Variants in BTBD9 observed in about 807,000 individuals in gnomAD.
The protein encoded by BTBD9 is BTB/POZ domain-containing protein 9.
In BTBD9, 49 loss-of-function variants were observed where a neutral mutation model predicts 64.3. The ratio of observed to expected loss-of-function variants is 0.76; its 90% CI spans 0.61 to 0.97. The LOEUF (loss-of-function observed/expected upper bound fraction) is 0.97. Ranked by LOEUF, BTBD9 falls within the 50% of genes least tolerant of loss-of-function variation. BTBD9 has a pLI of 0.00. For synonymous variants in BTBD9, 260 were observed against 274.7 expected (o/e 0.95, Z 0.53); for missense variants, 598 against 762.1 (o/e 0.78, Z 2.53).
intron 6 of BTBD9, among the ~76,000 whole-genome samples, chr6:38,451,159 G>A (rs1769526136): frequency 6.6e-6 from 1 of 152,122 alleles, no homozygotes; most frequent in Non-Finnish European, 1.5e-5. Flanking sequence ...ACTTGTTACT[G>A]CACACTAGAG....
chr6:38,404,506 A>G (rs1206976476), intron 6 of BTBD9, among the ~76,000 whole-genome samples: 2 of 152,200 alleles, frequency 1.3e-5, no homozygotes, highest in Non-Finnish European at 2.9e-5. Flanking sequence ...ACAATAGAAG[A>G]ATCACACATT....
At chr6:38,227,511 C>T (rs1007219228) in intron 9 of BTBD9, among the ~76,000 whole-genome samples, 5 of 152,148 alleles carry the variant, frequency 3.3e-5, no homozygotes, top group African/African-American at 1.2e-4. Flanking sequence ...CTATCCCTTC[C>T]GCCTGATGAG....
intron 6 of BTBD9, among the ~76,000 whole-genome samples, chr6:38,507,481 C>T (rs1379762442): frequency 6.6e-6 from 1 of 152,224 alleles, no homozygotes; most frequent in Non-Finnish European, 1.5e-5. Context: ...ACTTCACACT[C>T]TTCAACCCTC....
chr6:38,581,321 G>GTT (rs1776276178), intron 4 of BTBD9, among the ~76,000 whole-genome samples: 1 of 152,072 alleles, frequency 6.6e-6, no homozygotes, highest in Non-Finnish European at 1.5e-5. Flanking sequence ...AAAAAGAAAG[G>GTT]TTCCAATATA....
intron 6 of BTBD9, among the ~76,000 whole-genome samples, chr6:38,429,530 C>T (rs143789651): frequency 1.3e-5 from 2 of 151,490 alleles, no homozygotes; most frequent in East Asian, 3.9e-4. Context: ...TGCACACATA[C>T]GTACTTAAAT....
At chr6:38,514,601 G>C (rs1009621449) in intron 6 of BTBD9, among the ~76,000 whole-genome samples, 30 of 152,148 alleles carry the variant, frequency 2.0e-4, no homozygotes, top group African/African-American at 5.1e-4. Context: ...CATATGTCCT[G>C]GGAGTTCCCA....
chr6:38,318,624 T>C (rs1435518717), intron 7 of BTBD9, among the ~76,000 whole-genome samples: 3 of 152,222 alleles, frequency 2.0e-5, no homozygotes, highest in Admixed American at 1.3e-4. Context: ...CAAACAAATA[T>C]AGTCTCTCTC....
intron 6 of BTBD9, among the ~76,000 whole-genome samples, chr6:38,487,642 G>T (rs1307385831): frequency 6.8e-6 from 1 of 147,568 alleles, no homozygotes; most frequent in East Asian, 2.0e-4. Flanking sequence ...AAAGAAAGAG[G>T]AAAGGAAAGG....
intron 4 of BTBD9, among the ~76,000 whole-genome samples, chr6:38,592,276 G>A (rs1461913898): frequency 6.6e-6 from 1 of 152,030 alleles, no homozygotes; most frequent in Non-Finnish European, 1.5e-5. Flanking sequence ...AGGAAGAAAA[G>A]GTCTTAACAT....
At chr6:38,569,637 C>A (rs747208948) in intron 6 of BTBD9, among the ~76,000 whole-genome samples, 2 of 152,010 alleles carry the variant, frequency 1.3e-5, no homozygotes, top group Admixed American at 6.6e-5. Context: ...AAGGGCAATC[C>A]TGTTCTGTTT....
At chr6:38,350,552 G>A (rs1408908331) in intron 6 of BTBD9, among the ~76,000 whole-genome samples, 7 of 152,136 alleles carry the variant, frequency 4.6e-5, no homozygotes, top group Non-Finnish European at 5.9e-5. Context: ...ATATTTAAAT[G>A]AGCTCTCAAG....
chr6:38,334,634 A>AC (rs775427238), intron 7 of BTBD9, among the ~76,000 whole-genome samples: 128 of 146,064 alleles, frequency 8.8e-4, no homozygotes, highest in Admixed American at 4.3e-3. Context: ...ACATAAAATA[A>AC]ATAAAATAAT....
intron 7 of BTBD9, among the ~76,000 whole-genome samples, chr6:38,337,738 G>A (rs542101950): frequency 7.2e-5 from 11 of 152,262 alleles, no homozygotes; most frequent in East Asian, 3.9e-4. Flanking sequence ...CCTGTCTTCC[G>A]GTCTTTGTGC....
At chr6:38,551,534 CTACA>C (rs544350038) in intron 6 of BTBD9, among the ~76,000 whole-genome samples, 17 of 152,282 alleles carry the variant, frequency 1.1e-4, no homozygotes, top group African/African-American at 4.1e-4. Flanking sequence ...AAACCTTCTC[CTACA>C]AAGAAGCCAC....
intron 8 of BTBD9, among the ~76,000 whole-genome samples, chr6:38,286,024 G>C (rs12191714): frequency 0.33 from 49,528 of 152,074 alleles, 9,500 homozygotes; most frequent in Non-Finnish European, 0.45. Flanking sequence ...AAAGGAAGGT[G>C]GGGTATTATT....
chr6:38,587,743 GT>G (rs1582678307), intron 4 of BTBD9: 1 of 683,358 alleles, frequency 1.5e-6, no homozygotes. Flanking sequence ...TCCTGAAAAT[GT>G]TACTGTGAAT....
intron 9 of BTBD9, among the ~76,000 whole-genome samples, chr6:38,232,404 G>A (rs1763639578): frequency 6.6e-6 from 1 of 151,976 alleles, no homozygotes; most frequent in Non-Finnish European, 1.5e-5. Context: ...CTGAGTAGCT[G>A]GGACTATAGG....
At chr6:38,472,548 A>G (rs912863429) in intron 6 of BTBD9, among the ~76,000 whole-genome samples, 5 of 152,266 alleles carry the variant, frequency 3.3e-5, no homozygotes, top group African/African-American at 1.2e-4. Flanking sequence ...ATTATATATG[A>G]AATCCAGATT....
At position 38,374,420 on chromosome 6, in the gene BTBD9, G is replaced by A. The variant is rs539833469; in HGVS notation, c.1155-29327C>T. 2.0e-5 allele frequency among the ~76,000 whole-genome samples: 3 copies of A among 147,082 alleles called. No homozygotes were observed. In the South Asian group the frequency reaches 6.5e-4, roughly 32 times the overall value. On this transcript the variant is annotated intron_variant, in intron 6 of 10. Transcript: ENST00000481247. ...AACTTCAGAGGTACATTAATATTCA[G>A]AAATTTCTAAAGAATCACATTATTT...
Sources: allele counts gnomAD v4.1 joint callset (sites outside exome capture counted in the v4.1 genomes callset), GRCh38; gene constraint gnomAD v4.1.1; transcripts MANE v1.5; gene names NCBI Gene and HGNC (gene_info 2026-07-23, HGNC 2026-07-21).